Variants in KIAA0319L observed in about 807,000 individuals in gnomAD.
KIAA0319L encodes KIAA0319 like, also known as dyslexia-associated protein KIAA0319-like protein.
KIAA0319L carries 55 observed loss-of-function variants against 120.1 expected under a neutral mutation model. The ratio of observed to expected loss-of-function variants is 0.46; its 90% CI spans 0.37 to 0.57. The LOEUF (loss-of-function observed/expected upper bound fraction) is 0.57. Ranked by LOEUF, KIAA0319L falls within the 20% of genes least tolerant of loss-of-function variation. KIAA0319L has a pLI of 0.00. For synonymous variants in KIAA0319L, 398 were observed against 471.9 expected, an observed-to-expected ratio of 0.84 and a Z score of 2.03; for missense variants, 1,049 against 1,255.3, an observed-to-expected ratio of 0.84 and a Z score of 2.48.
chr1:35,480,580 G>A (rs777306196), intron 3 of KIAA0319L, among the ~76,000 whole-genome samples: 19 of 152,126 alleles, frequency 1.2e-4, no homozygotes, highest in Non-Finnish European at 1.5e-4. Flanking sequence ...TAAGGAGTTT[G>A]AGACCAGCCT....
chr1:35,485,581 C>A (rs1447832113), intron 3 of KIAA0319L, among the ~76,000 whole-genome samples: 2 of 152,198 alleles, frequency 1.3e-5, no homozygotes. Context: ...CTTATCGTAG[C>A]CCTTCTATGG....
At chr1:35,543,709 A>T (rs1253078792) in intron 2 of KIAA0319L, among the ~76,000 whole-genome samples, 1 of 152,198 alleles carries the variant, frequency 6.6e-6, no homozygotes, top group Non-Finnish European at 1.5e-5. Context: ...GAATACAGGC[A>T]GGTATGAGAA....
rs139547466 is a variant in KIAA0319L at position 35,541,798 on chromosome 1, G to A, written c.142+12552C>T. ...TCAGTTTTGGGGGAAGTGAACTAGG[G>A]CAGAGAGCAAGGTGGAGTCGTGGCA... On this transcript the variant is annotated intron_variant, in intron 2 of 20. Transcript: ENST00000325722. Among the ~76,000 whole-genome samples the A allele has an allele frequency of 3.3e-3, 508 of 152,316 alleles. 2 individuals carry two copies. The highest frequency in any genetic ancestry group is 4.6e-3 in the Non-Finnish European group (316 of 68,012).
intron 3 of KIAA0319L, among the ~76,000 whole-genome samples, chr1:35,505,337 T>C (rs1645168576): frequency 6.6e-6 from 1 of 152,140 alleles, no homozygotes; most frequent in Admixed American, 6.5e-5. Flanking sequence ...CTGTCCAGAA[T>C]GTTTTTTTAC....
chr1:35,487,590 T>C (rs1644437263), intron 3 of KIAA0319L, among the ~76,000 whole-genome samples: 1 of 152,192 alleles, frequency 6.6e-6, no homozygotes, highest in Non-Finnish European at 1.5e-5. Flanking sequence ...TGACCAAGAA[T>C]TTGGCCAGAG....
Position 35,442,369 on chromosome 1 carries a change from G to A in KIAA0319L, c.2780-33C>T, listed in dbSNP as rs202075488. 1.9e-5 allele frequency: 30 copies of A among 1,551,452 alleles called. No homozygotes were observed. In the Admixed American group the frequency reaches 5.0e-4, roughly 26 times the overall value. ...GAAAATCAAAATGGTGAGGGCTGTGGAGGGAGAGGCTGGGAGGGAGGTCTG... is the reference window on the plus strand; with the variant it reads ...GAAAATCAAAATGGTGAGGGCTGTGAAGGGAGAGGCTGGGAGGGAGGTCTG... On this transcript the variant is annotated intron_variant, in intron 18 of 20. Coordinates refer to ENST00000325722, the MANE Select transcript of KIAA0319L (RefSeq NM_024874.5).
In KIAA0319L at chr1:35,478,997, GGCCTGGGGGGTAGGGGTA is replaced by G. The variant is rs1278873110; in HGVS notation, c.864_881del (p.Thr289_Ala294del). The G allele has an allele frequency of 5.0e-6, 8 of 1,614,040 alleles. No homozygotes were observed. The highest frequency in any genetic ancestry group is 1.3e-5 in the African/African-American group (1 of 74,932). On this transcript the variant is annotated inframe_deletion, in exon 4 of 21. Transcript: ENST00000325722. ...ATGGTGCTGAGGTGCTCTGGAAAGA[GGCCTGGGGGGTAGGGGTA>G]GCATAACTGTAGGAGGGAGCCACTG...
chr1:35,503,271 A>C (rs1171968063), intron 3 of KIAA0319L, among the ~76,000 whole-genome samples: 1 of 152,144 alleles, frequency 6.6e-6, no homozygotes, highest in African/African-American at 2.4e-5. Flanking sequence ...GTCCTACCCA[A>C]TCCTTTCTCT....
chr1:35,484,108 A>G (rs1205338770), intron 3 of KIAA0319L, among the ~76,000 whole-genome samples: 1 of 152,180 alleles, frequency 6.6e-6, no homozygotes, highest in Non-Finnish European at 1.5e-5. Flanking sequence ...CCTATTCCCA[A>G]ATAAGGTCAC....
Position 35,434,688 on chromosome 1 carries a change from G to A in KIAA0319L, c.*206C>T, listed in dbSNP as rs1176188703. 4 of 562,042 alleles carry A rather than the reference G, an allele frequency of 7.1e-6. No individual in the cohort carries two copies. Among genetic ancestry groups the A allele is most frequent in the East Asian group, 3.1e-5 (1 of 32,752 alleles). The allele number at this position is 562,042 out of a possible 1,614,324, so 34.8% of individuals were successfully genotyped here. A position where few individuals can be genotyped will look rare whatever the true frequency, so the allele number is the denominator to read the frequency against. The stretch of plus-strand genomic sequence containing the variant: ...GGATATCTGGGGGCCCACCAGACAG[G>A]TTTAAAGAGGAAACCTCTTCATTCA... On this transcript the variant is annotated 3_prime_UTR_variant, in exon 21 of 21. Transcript: ENST00000325722.
chr1:35,553,187 C>A (rs1177588400), intron 2 of KIAA0319L, among the ~76,000 whole-genome samples: 1 of 151,754 alleles, frequency 6.6e-6, no homozygotes. Context: ...GCTATGATGG[C>A]ACCATCGCAC....
intron 1 of KIAA0319L, chr1:35,556,756 C>T (rs1648133864): frequency 6.6e-6 from 1 of 152,232 alleles, no homozygotes; most frequent in African/African-American, 2.4e-5. Flanking sequence ...CTACAGGACC[C>T]TCTGTGGGGC....
At chr1:35,490,787 G>A (rs1644562869) in intron 3 of KIAA0319L, among the ~76,000 whole-genome samples, 1 of 152,196 alleles carries the variant, frequency 6.6e-6, no homozygotes, top group African/African-American at 2.4e-5. Context: ...TGTTGGGGAA[G>A]GGACATAGTA....
Position 35,466,684 on chromosome 1 carries a change from G to A in KIAA0319L, c.1125C>T (p.Gly375=). ...QILKLSKLTP[G]LYEFKVIVEG... is the part of the protein sequence containing the mutation. ...CTACAATCACTTTGAATTCATACAGGCCTGGAGTGAGCTGCAGAAGTGAGA... is the reference window on the plus strand; with the variant it reads ...CTACAATCACTTTGAATTCATACAGACCTGGAGTGAGCTGCAGAAGTGAGA... Residue 375 remains glycine, a synonymous_variant, in exon 7 of 21, where the codon GGC becomes GGT. Coordinates refer to ENST00000325722, the MANE Select transcript of KIAA0319L (RefSeq NM_024874.5). The A allele has an allele frequency of 6.2e-7, 1 of 1,610,816 alleles. No individual in the cohort carries two copies. Among genetic ancestry groups the A allele is most frequent in the Non-Finnish European group, 8.5e-7 (1 of 1,177,190 alleles).
chr1:35,469,315 G>C (rs892078626), intron 6 of KIAA0319L, among the ~76,000 whole-genome samples: 1 of 152,156 alleles, frequency 6.6e-6, no homozygotes, highest in Non-Finnish European at 1.5e-5. Flanking sequence ...TTTTTCAACA[G>C]ATTCCTCACT....
At chr1:35,541,758 A>G (rs1646802441) in intron 2 of KIAA0319L, among the ~76,000 whole-genome samples, 2 of 152,214 alleles carry the variant, frequency 1.3e-5, no homozygotes, top group South Asian at 4.1e-4. Flanking sequence ...AGGCCTTGCC[A>G]AGCATGGGCA....
intron 3 of KIAA0319L, among the ~76,000 whole-genome samples, chr1:35,502,421 GTCATCATCA>G (rs138233952): frequency 0.011 from 1,655 of 149,932 alleles, 37 homozygotes; most frequent in African/African-American, 0.038. Context: ...TATTGCTGCT[GTCATCATCA>G]TCATCATCAT....
At chr1:35,446,864 C>T (rs1641661814) in intron 16 of KIAA0319L, among the ~76,000 whole-genome samples, 1 of 152,188 alleles carries the variant, frequency 6.6e-6, no homozygotes, top group Non-Finnish European at 1.5e-5. Context: ...CGGGCTCTTC[C>T]TTCCACAAGT....
intron 3 of KIAA0319L, among the ~76,000 whole-genome samples, chr1:35,489,233 C>A (rs2148347723): frequency 6.6e-6 from 1 of 151,862 alleles, no homozygotes; most frequent in East Asian, 1.9e-4. Flanking sequence ...CAAAAAAAAA[C>A]ATGGTGGACT....
Sources: gnomAD v4.1 joint callset for allele counts (sites outside exome capture counted in the v4.1 genomes callset) on GRCh38, gnomAD v4.1.1 for gene constraint, MANE v1.5 for transcripts, NCBI Gene and HGNC (gene_info 2026-07-23, HGNC 2026-07-21) for gene names.